Variants in LRP6 observed in about 807,000 individuals in gnomAD.
LRP6 encodes LDL receptor related protein 6.
Under a neutral mutation model 184.1 loss-of-function variants are expected in LRP6, and 43 were observed. The ratio of observed to expected loss-of-function variants is 0.23; its 90% CI spans 0.18 to 0.30. The LOEUF is 0.30. Among genes scored for constraint, LRP6 ranks in the 10% least tolerant of loss-of-function variants. The pLI, the probability that LRP6 is intolerant of heterozygous loss-of-function variation, is 1.00. For synonymous variants in LRP6, 719 were observed against 684.9 expected, an observed-to-expected ratio of 1.05 and a Z score of -0.78; for missense variants, 1,571 against 2,005.3, an observed-to-expected ratio of 0.78 and a Z score of 4.14.
intron 1 of LRP6, among the ~76,000 whole-genome samples, chr12:12,252,246 A>T (rs1207856199): frequency 2.0e-5 from 3 of 151,870 alleles, no homozygotes; most frequent in Non-Finnish European, 4.4e-5. Flanking sequence ...TTTTTTCCAC[A>T]GTGGCCCATG....
At chr12:12,169,475 T>C (rs2136961281) in intron 7 of LRP6, among the ~76,000 whole-genome samples, 1 of 152,170 alleles carries the variant, frequency 6.6e-6, no homozygotes, top group South Asian at 2.1e-4. Context: ...TTAATACTGC[T>C]CTAGATACAA....
chr12:12,155,826 A>C, intron 12 of LRP6: 1 of 687,968 alleles, frequency 1.5e-6, no homozygotes, highest in South Asian at 1.6e-5. Flanking sequence ...AAAAAAGGTT[A>C]AATAATTTTC....
rs1406561763 is a variant in LRP6 at position 12,119,990 on chromosome 12, A to AC, written c.*1135_*1136insG. On this transcript the variant is annotated 3_prime_UTR_variant, in exon 23 of 23. Transcript: ENST00000261349. ...ACTCAGAAAACAAACAAACAAACAA[A>AC]ATATATATATATATATATATATATA... 0.013 allele frequency: 570 copies of AC among 45,534 alleles called. 12 individuals are homozygous for AC. Among genetic ancestry groups the AC allele is most frequent in the Middle Eastern group, 0.038 (2 of 52 alleles). 2.8% of individuals were successfully genotyped at this position (45,534 alleles called of 1,614,324 possible).
intron 3 of LRP6, among the ~76,000 whole-genome samples, chr12:12,193,567 C>T (rs1365438862): frequency 2.0e-5 from 3 of 151,462 alleles, no homozygotes; most frequent in African/African-American, 7.3e-5. Flanking sequence ...CACTGCCTTA[C>T]AGAAATTAAA....
chr12:12,211,136 A>G (rs1864197500), intron 2 of LRP6: 1 of 152,220 alleles, frequency 6.6e-6, no homozygotes. Context: ...AATATACAGT[A>G]ACCAGATAAA....
At chr12:12,129,961 T>C (rs900180503) in intron 19 of LRP6, among the ~76,000 whole-genome samples, 2 of 151,434 alleles carry the variant, frequency 1.3e-5, no homozygotes, top group Non-Finnish European at 2.9e-5. Context: ...TGTAGATTTC[T>C]ATTACAGCAC....
At chr12:12,134,876 G>A (rs560915359) in intron 17 of LRP6, among the ~76,000 whole-genome samples, 1 of 152,278 alleles carries the variant, frequency 6.6e-6, no homozygotes, top group Non-Finnish European at 1.5e-5. Context: ...CAACACAGAT[G>A]AACCTGGAAG....
intron 2 of LRP6, among the ~76,000 whole-genome samples, chr12:12,229,427 C>T (rs1864723414): frequency 6.7e-6 from 1 of 149,986 alleles, no homozygotes; most frequent in Non-Finnish European, 1.5e-5. Flanking sequence ...ACTTGAAAAT[C>T]TCTCCCTTAA....
chr12:12,242,168 A>G (rs929658309), intron 2 of LRP6, among the ~76,000 whole-genome samples: 1 of 152,184 alleles, frequency 6.6e-6, no homozygotes, highest in Admixed American at 6.5e-5. Flanking sequence ...AATGAAGCTC[A>G]TAACAGCTCT....
At chr12:12,209,148 G>A (rs923786782) in intron 2 of LRP6, among the ~76,000 whole-genome samples, 5 of 152,180 alleles carry the variant, frequency 3.3e-5, no homozygotes, top group Admixed American at 3.3e-4. Flanking sequence ...CACAGGCTGG[G>A]CTGACCAGAA....
At chr12:12,208,807 C>A (rs1226757653) in intron 2 of LRP6, among the ~76,000 whole-genome samples, 2 of 152,130 alleles carry the variant, frequency 1.3e-5, no homozygotes, top group Non-Finnish European at 2.9e-5. Context: ...ATAGGGACAG[C>A]CAGAAACAGT....
At chr12:12,194,926 T>C (rs1190304252) in intron 3 of LRP6, among the ~76,000 whole-genome samples, 2 of 152,114 alleles carry the variant, frequency 1.3e-5, no homozygotes, top group African/African-American at 4.8e-5. Flanking sequence ...AACATTTACC[T>C]TCCACATACG....
At chr12:12,156,463 T>C (rs1221666100) in intron 12 of LRP6, among the ~76,000 whole-genome samples, 1 of 152,150 alleles carries the variant, frequency 6.6e-6, no homozygotes, top group East Asian at 1.9e-4. Context: ...TTATGAAATG[T>C]GGGGTATAGG....
intron 15 of LRP6, chr12:12,138,757 G>A (rs1022749209): frequency 3.0e-5 from 45 of 1,497,000 alleles, no homozygotes; most frequent in African/African-American, 4.2e-5. Flanking sequence ...CCAATGTGCA[G>A]TAAATATTCT....
chr12:12,263,699 T>C (rs1865685635), intron 1 of LRP6, among the ~76,000 whole-genome samples: 1 of 151,318 alleles, frequency 6.6e-6, no homozygotes, highest in Admixed American at 6.6e-5. Context: ...CCAAGTGTTA[T>C]GGCACACAAC....
chr12:12,216,517 G>A (rs939205709), intron 2 of LRP6, among the ~76,000 whole-genome samples: 1 of 152,078 alleles, frequency 6.6e-6, no homozygotes, highest in African/African-American at 2.4e-5. Context: ...TAAATGTGAG[G>A]AGTGAGGAGG....
Position 12,165,261 on chromosome 12 carries a change from A to G in LRP6, c.1580T>C (p.Leu527Pro). 1 of 1,613,964 alleles carries G rather than the reference A, an allele frequency of 6.2e-7. No homozygotes were observed. Among genetic ancestry groups the G allele is most frequent in the Non-Finnish European group, 8.5e-7 (1 of 1,179,882 alleles). The change falls in exon 8 of 23, where the codon CTA (leucine) becomes CCA (proline). Residue 527 changes from leucine to proline, a missense_variant. Transcript: ENST00000261349. ...TATGTGAGGAATTTTGTCTTCCACT[A>G]GTACTCGTCTCCCAGTGCCATCAGT... is the stretch of plus-strand genomic sequence containing the variant. ...MNTDGTGRRV[L>P]VEDKIPHIFG...
intron 2 of LRP6, among the ~76,000 whole-genome samples, chr12:12,228,570 C>A (rs976153119): frequency 6.6e-6 from 1 of 152,194 alleles, no homozygotes; most frequent in Admixed American, 6.5e-5. Flanking sequence ...CTGCTAGGAA[C>A]TGGCCGCACA....
intron 2 of LRP6, among the ~76,000 whole-genome samples, chr12:12,220,668 A>G (rs1318336292): frequency 1.3e-5 from 2 of 149,468 alleles, no homozygotes; most frequent in African/African-American, 2.5e-5. Context: ...GTACAATCTC[A>G]GCTCACTGCA....
Sources: gnomAD v4.1 joint callset for allele counts (sites outside exome capture counted in the v4.1 genomes callset) on GRCh38, gnomAD v4.1.1 for gene constraint, MANE v1.5 for transcripts, NCBI Gene and HGNC (gene_info 2026-07-23, HGNC 2026-07-21) for gene names.